The following TTC17 variants were observed in gnomAD, a reference collection of about 807,000 sequenced individuals.
The protein encoded by TTC17 is tetratricopeptide repeat domain 17.
Under a neutral mutation model 143.8 loss-of-function variants are expected in TTC17, and 58 were observed. The ratio of observed to expected loss-of-function variants is 0.40; its 90% CI spans 0.33 to 0.50. The LOEUF (loss-of-function observed/expected upper bound fraction) is 0.50. Ranked by LOEUF, TTC17 falls within the 20% of genes least tolerant of loss-of-function variation. The probability of loss-of-function intolerance (pLI) is 0.49; values close to 1 mark genes in which losing one functional copy is unlikely to be tolerated. For synonymous variants in TTC17, 501 were observed against 497.8 expected (o/e 1.01, Z -0.09); for missense variants, 1,273 against 1,392.5 (o/e 0.91, Z 1.37).
chr11:43,478,370 A>G (rs1348716424), intron 21 of TTC17, among the ~76,000 whole-genome samples: 3 of 152,192 alleles, frequency 2.0e-5, no homozygotes, highest in Non-Finnish European at 4.4e-5. Context: ...ATACTTGATG[A>G]TATTAAAGAA....
At chr11:43,359,222 C>G in intron 1 of TTC17, 109 bp downstream of exon 1, 1 of 1,355,154 alleles carries the variant, frequency 7.4e-7, no homozygotes, top group East Asian at 3.1e-5. Context: ...CCAGCCTACC[C>G]TCACAGGGAG....
intron 16 of TTC17, among the ~76,000 whole-genome samples, chr11:43,420,804 G>A (rs530205671): frequency 2.0e-5 from 3 of 152,248 alleles, no homozygotes; most frequent in Non-Finnish European, 4.4e-5. Context: ...TTATTTTAAA[G>A]AATGAGCCTA....
intron 1 of TTC17, chr11:43,370,139 GAACCT>G: frequency 2.2e-6 from 1 of 453,622 alleles, no homozygotes; most frequent in South Asian, 1.6e-5. Flanking sequence ...CTATTTTTGC[GAACCT>G]GTACTTCTCT....
chr11:43,415,556 TATA>T (rs1250546081), intron 16 of TTC17, among the ~76,000 whole-genome samples: 1 of 152,192 alleles, frequency 6.6e-6, no homozygotes, highest in Non-Finnish European at 1.5e-5. Context: ...CAAATTAGGT[TATA>T]ATATTTAATC....
At chr11:43,480,484 C>T (rs774550425) in intron 21 of TTC17, among the ~76,000 whole-genome samples, 1 of 152,002 alleles carries the variant, frequency 6.6e-6, no homozygotes, top group Admixed American at 6.6e-5. Context: ...AAATTTACTA[C>T]CAAGAGTGCC....
At chr11:43,456,830 T>C (rs943946382) in intron 21 of TTC17, among the ~76,000 whole-genome samples, 15 of 152,248 alleles carry the variant, frequency 9.9e-5, no homozygotes, top group African/African-American at 3.6e-4. Flanking sequence ...CATGACCAGT[T>C]TTTTTTCCAA....
intron 21 of TTC17, among the ~76,000 whole-genome samples, chr11:43,484,999 G>T (rs139707233): frequency 6.6e-6 from 1 of 152,096 alleles, no homozygotes; most frequent in African/African-American, 2.4e-5. Flanking sequence ...ATCACTCCCA[G>T]ATGGGACCAT....
chr11:43,427,095 A>G (rs186414534), intron 16 of TTC17, among the ~76,000 whole-genome samples: 4 of 152,356 alleles, frequency 2.6e-5, no homozygotes. Context: ...TGGTTTAAAT[A>G]TCATACTTAC....
At chr11:43,388,370 G>C (rs371016986) in intron 2 of TTC17, among the ~76,000 whole-genome samples, 6 of 151,398 alleles carry the variant, frequency 4.0e-5, no homozygotes, top group African/African-American at 1.4e-4. Flanking sequence ...TTTGATTTTT[G>C]ATACACATAT....
At chr11:43,417,394 G>A (rs1946802006) in intron 16 of TTC17, among the ~76,000 whole-genome samples, 1 of 152,122 alleles carries the variant, frequency 6.6e-6, no homozygotes, top group African/African-American at 2.4e-5. Context: ...CAATATTGAA[G>A]TAAGTTTTAT....
intron 15 of TTC17, among the ~76,000 whole-genome samples, chr11:43,413,122 CA>C (rs985380642): frequency 3.3e-5 from 5 of 151,866 alleles, no homozygotes; most frequent in African/African-American, 1.2e-4. Context: ...GGTATTGGTA[CA>C]AAGATACTCA....
chr11:43,386,180 AAAT>A (rs950751491), intron 2 of TTC17, among the ~76,000 whole-genome samples: 1 of 152,144 alleles, frequency 6.6e-6, no homozygotes, highest in Admixed American at 6.5e-5. Flanking sequence ...AAAAAAAAAA[AAAT>A]TTCCTATGCA....
chr11:43,364,013 C>G (rs1006681786), intron 1 of TTC17, among the ~76,000 whole-genome samples: 43 of 151,252 alleles, frequency 2.8e-4, no homozygotes, highest in African/African-American at 1.0e-3. Context: ...GTTTTGTCCC[C>G]CGGTCAGGCC....
chr11:43,490,047 T>C lies in TTC17; in HGVS notation c.3031-192T>C, dbSNP rs1948445943. 2.7e-5 allele frequency: 16 copies of C among 585,816 alleles called. No homozygotes were observed. The South Asian group carries it at 4.1e-4, about 15-fold the overall frequency. 36.3% of individuals were successfully genotyped at this position (585,816 alleles called of 1,614,324 possible). On this transcript the variant is annotated intron_variant, in intron 21 of 23. Transcript: ENST00000039989. ...TTTCTCATTTATAGAAGGGCTGTAA[T>C]AGTAGTATCAAGCTCACAGGATTGT...
chr11:43,359,119 G>A lies in TTC17; in HGVS notation c.159+6G>A, dbSNP rs906737160. 5 of 1,578,564 alleles carry A rather than the reference G, an allele frequency of 3.2e-6. No individual in the cohort carries two copies. The highest frequency in any genetic ancestry group is 4.9e-5 in the East Asian group (2 of 41,006). ...ACGGGAAAATCCAGCAGCAGGTAGC[G>A]GCCGGGGCGTCCCTCTTCTCCCGTG... On this transcript the variant is annotated splice_donor_region_variant and intron_variant, in intron 1 of 23. Transcript: ENST00000039989.
At chr11:43,395,846 G>A (rs1413476950) in intron 5 of TTC17, among the ~76,000 whole-genome samples, 1 of 151,940 alleles carries the variant, frequency 6.6e-6, no homozygotes, top group East Asian at 1.9e-4. Context: ...TTTCAAAACT[G>A]GTTTGTAATA....
At position 43,493,894 on chromosome 11, in the gene TTC17, G is replaced by A. The variant is rs769491330; in HGVS notation, c.3416G>A (p.Arg1139His). The A allele has an allele frequency of 3.4e-5, 55 of 1,609,836 alleles. No individual in the cohort carries two copies. Among genetic ancestry groups the A allele is most frequent in the Admixed American group, 6.7e-5 (4 of 59,782 alleles). Residue 1139 changes from arginine (R) to histidine (H), a missense_variant, in exon 24 of 24, where the codon CGC becomes CAC. Physicochemically the swap from Arg to His is conservative, Grantham distance 29 (BLOSUM62 0). Coordinates refer to ENST00000039989, the MANE Select transcript of TTC17 (RefSeq NM_018259.6). ...CACTTAATGCTGAAGAAGGGACGGC[G>A]CTCTCCTTAGTGCACTTCTTCCTTC... ...QCHLMLKKGRRSP is the reference protein window; with the variant it reads ...QCHLMLKKGRHSP
chr11:43,455,927 T>C (rs1336294925), intron 21 of TTC17, among the ~76,000 whole-genome samples: 1 of 152,138 alleles, frequency 6.6e-6, no homozygotes, highest in Non-Finnish European at 1.5e-5. Context: ...AACCTATTTC[T>C]CTTGTTAACA....
intron 21 of TTC17, among the ~76,000 whole-genome samples, chr11:43,470,495 T>C (rs192727381): frequency 1.9e-4 from 29 of 152,348 alleles, no homozygotes; most frequent in African/African-American, 6.7e-4. Flanking sequence ...CTCAAAGCTG[T>C]GGCTTTTCAT....
Sources: gnomAD v4.1 joint callset for allele counts (sites outside exome capture counted in the v4.1 genomes callset) on GRCh38, gnomAD v4.1.1 for gene constraint, MANE v1.5 for transcripts, NCBI Gene and HGNC (gene_info 2026-07-23, HGNC 2026-07-21) for gene names.